Variants in CAMK1D observed in about 807,000 individuals in gnomAD.
CAMK1D encodes calcium/calmodulin-dependent protein kinase type 1D.
CAMK1D carries 9 observed loss-of-function variants against 47.7 expected under a neutral mutation model. The observed-to-expected ratio is 0.19, with a 90% CI of 0.11 to 0.33. CAMK1D has a LOEUF of 0.33. CAMK1D is among the 10% of genes least tolerant of loss of function. CAMK1D has a pLI of 1.00. For synonymous variants in CAMK1D, 184 were observed against 184.9 expected, an observed-to-expected ratio of 0.99 and a Z score of 0.04; for missense variants, 291 against 488.7, an observed-to-expected ratio of 0.60 and a Z score of 3.81.
intron 3 of CAMK1D, among the ~76,000 whole-genome samples, chr10:12,693,548 A>G (rs1237487401): frequency 6.6e-6 from 1 of 151,806 alleles, no homozygotes; most frequent in Non-Finnish European, 1.5e-5. Context: ...TGGGAGGATC[A>G]CCTGAGCATG....
rs1554793226 is a variant in CAMK1D at position 12,588,862 on chromosome 10, A to ATG, written c.224+35507_224+35508insGT. On this transcript the variant is annotated intron_variant, in intron 2 of 10. Coordinates refer to ENST00000619168, the MANE Select transcript of CAMK1D (RefSeq NM_153498.4). ...TGCTTGTATATATACATGTATATGT[A>ATG]TATATGTGTGTGTGTGTGTGTGCGT... Among the ~76,000 whole-genome samples the ATG allele has an allele frequency of 3.6e-4, 29 of 81,578 alleles. No individual in the cohort carries two copies. The South Asian group carries it at 3.8e-3, about 11-fold the overall frequency. 53.5% of individuals were successfully genotyped at this position (81,578 alleles called of 152,430 possible).
At chr10:12,671,346 CTT>C (rs35207765) in intron 3 of CAMK1D, among the ~76,000 whole-genome samples, 4 of 142,532 alleles carry the variant, frequency 2.8e-5, no homozygotes, top group Non-Finnish European at 4.6e-5. Flanking sequence ...AATGATAGCT[CTT>C]TTTTTTTTTT....
intron 3 of CAMK1D, among the ~76,000 whole-genome samples, chr10:12,713,087 T>G (rs541436778): frequency 6.0e-4 from 92 of 152,234 alleles, no homozygotes; most frequent in South Asian, 1.9e-3. Context: ...CTTTTTTTTT[T>G]GGGATGGAGT....
chr10:12,495,567 A>G (rs537503485), intron 1 of CAMK1D, among the ~76,000 whole-genome samples: 1 of 152,370 alleles, frequency 6.6e-6, no homozygotes, highest in South Asian at 2.1e-4. Flanking sequence ...TAAGAAATGC[A>G]GAATCCCAGA....
intron 1 of CAMK1D, among the ~76,000 whole-genome samples, chr10:12,353,837 A>C (rs914956196): frequency 2.0e-5 from 3 of 152,126 alleles, no homozygotes; most frequent in African/African-American, 7.2e-5. Flanking sequence ...TGTAATGGCA[A>C]ATTAGGAGGG....
Position 12,734,524 on chromosome 10 carries a change from A to G in CAMK1D, c.300-26424A>G, listed in dbSNP as rs549852598. ...TACACACACACATATATATACACGT[A>G]TATATATACACACATATGTATATAT... is the stretch of plus-strand genomic sequence containing the variant. On this transcript the variant is annotated intron_variant, in intron 3 of 10. Coordinates refer to ENST00000619168, the MANE Select transcript of CAMK1D (RefSeq NM_153498.4). Among the ~76,000 whole-genome samples the G allele has an allele frequency of 5.4e-4, 79 of 146,426 alleles. No homozygotes were observed. In the Middle Eastern group the frequency reaches 0.014, roughly 26 times the overall value.
intron 3 of CAMK1D, among the ~76,000 whole-genome samples, chr10:12,727,999 CCA>C (rs1834732183): frequency 6.6e-6 from 1 of 152,124 alleles, no homozygotes; most frequent in Non-Finnish European, 1.5e-5. Context: ...CTCCTGACCT[CCA>C]ATGATCCGCC....
chr10:12,351,245 G>C (rs117949022), intron 1 of CAMK1D, among the ~76,000 whole-genome samples: 2 of 152,152 alleles, frequency 1.3e-5, no homozygotes, highest in African/African-American at 4.8e-5. Flanking sequence ...TTGCCTTTCA[G>C]GGAGGGCACC....
intron 2 of CAMK1D, among the ~76,000 whole-genome samples, chr10:12,605,239 G>T (rs1168665389): frequency 2.0e-5 from 3 of 152,014 alleles, no homozygotes; most frequent in African/African-American, 7.2e-5. Flanking sequence ...CTCCATGAAG[G>T]CCATGAGGCT....
At chr10:12,690,898 C>G (rs1175851748) in intron 3 of CAMK1D, among the ~76,000 whole-genome samples, 1 of 152,148 alleles carries the variant, frequency 6.6e-6, no homozygotes, top group African/African-American at 2.4e-5. Flanking sequence ...CACTTAGTAA[C>G]ACGGGATACG....
chr10:12,541,806 C>T (rs1836190862), intron 1 of CAMK1D, among the ~76,000 whole-genome samples: 1 of 150,778 alleles, frequency 6.6e-6, no homozygotes, highest in Non-Finnish European at 1.5e-5. Context: ...CGGTCTCAAG[C>T]CAAGTACCAC....
intron 1 of CAMK1D, among the ~76,000 whole-genome samples, chr10:12,521,232 T>C (rs1363533845): frequency 1.3e-5 from 2 of 152,184 alleles, no homozygotes; most frequent in African/African-American, 4.8e-5. Flanking sequence ...TTTAGATCTT[T>C]CTTATTTCTC....
chr10:12,537,768 C>A (rs1836022815), intron 1 of CAMK1D, among the ~76,000 whole-genome samples: 1 of 152,190 alleles, frequency 6.6e-6, no homozygotes, highest in Non-Finnish European at 1.5e-5. Flanking sequence ...ATTAGTAGGA[C>A]TTGAATATTT....
At chr10:12,754,784 C>T (rs1178007736) in intron 3 of CAMK1D, among the ~76,000 whole-genome samples, 1 of 152,172 alleles carries the variant, frequency 6.6e-6, no homozygotes, top group African/African-American at 2.4e-5. Flanking sequence ...TTCCCAGTGT[C>T]TCTTCCTCTT....
Position 12,349,590 on chromosome 10 carries a change from CG to C in CAMK1D, c.-228del. 6.5e-6 allele frequency: 1 copy of C among 154,772 alleles called. No homozygotes were observed. The highest frequency in any genetic ancestry group is 1.4e-5 in the Non-Finnish European group (1 of 70,310). The allele number at this position is 154,772 out of a possible 1,614,324, so 9.6% of individuals were successfully genotyped here. A position where few individuals can be genotyped will look rare whatever the true frequency, so the allele number is the denominator to read the frequency against. On this transcript the variant is annotated 5_prime_UTR_variant, in exon 1 of 11. Coordinates refer to ENST00000619168, the MANE Select transcript of CAMK1D (RefSeq NM_153498.4). The stretch of plus-strand genomic sequence containing the variant: ...TGGCAGGCGGCGGCAAAGGAGCCGG[CG>C]CGCGGCGGCGGCAGGAAGTCTGTGC...
chr10:12,759,365 G>C (rs942446563), intron 3 of CAMK1D, among the ~76,000 whole-genome samples: 1 of 152,116 alleles, frequency 6.6e-6, no homozygotes, highest in African/African-American at 2.4e-5. Flanking sequence ...GAAAAAATAA[G>C]AAGTGAATGT....
At chr10:12,731,246 G>A (rs80311568) in intron 3 of CAMK1D, among the ~76,000 whole-genome samples, 9,727 of 152,212 alleles carry the variant, frequency 0.064, 922 homozygotes, top group African/African-American at 0.2. Context: ...TAGAAGGATC[G>A]TGCGTCCTCT....
intron 1 of CAMK1D, among the ~76,000 whole-genome samples, chr10:12,465,968 A>G (rs1833576723): frequency 6.6e-6 from 1 of 152,214 alleles, no homozygotes; most frequent in South Asian, 2.1e-4. Flanking sequence ...TCAATTTCTG[A>G]GTAACCAGGA....
chr10:12,617,063 G>A (rs1269878215), intron 2 of CAMK1D, among the ~76,000 whole-genome samples: 4 of 152,148 alleles, frequency 2.6e-5, no homozygotes, highest in Admixed American at 6.5e-5. Flanking sequence ...CTAAGCACTT[G>A]ACCATGAACT....
Sources: gnomAD v4.1 joint callset for allele counts (sites outside exome capture counted in the v4.1 genomes callset) on GRCh38, gnomAD v4.1.1 for gene constraint, MANE v1.5 for transcripts, NCBI Gene and HGNC (gene_info 2026-07-23, HGNC 2026-07-21) for gene names.